ANKFN1: variants seen among roughly 807,000 people sequenced by gnomAD.
ANKFN1 encodes ankyrin repeat and fibronectin type-III domain-containing protein 1.
Under a neutral mutation model 108.7 loss-of-function variants are expected in ANKFN1, and 74 were observed. The observed-to-expected ratio is 0.68, with a 90% CI of 0.56 to 0.83. ANKFN1 has a LOEUF of 0.83. Ranked by LOEUF, ANKFN1 falls within the 40% of genes least tolerant of loss-of-function variation. The pLI is 0.00. For synonymous variants in ANKFN1, 547 were observed against 516.2 expected, an observed-to-expected ratio of 1.06 and a Z score of -0.81; for missense variants, 1,505 against 1,382.3, an observed-to-expected ratio of 1.09 and a Z score of -1.41.
chr17:56,364,304 C>G (rs934341603), intron 6 of ANKFN1, among the ~76,000 whole-genome samples: 1 of 151,988 alleles, frequency 6.6e-6, no homozygotes, highest in African/African-American at 2.4e-5. Context: ...ATTTCAAAGT[C>G]TTAGTACCAA....
chr17:56,141,247 A>G (rs1907899618), intron 4 of ANKFN1, among the ~76,000 whole-genome samples: 1 of 152,184 alleles, frequency 6.6e-6, no homozygotes, highest in South Asian at 2.1e-4. Flanking sequence ...CAGCGCCACC[A>G]CAAGCCAATC....
chr17:56,427,848 G>A (rs1447847207), intron 8 of ANKFN1, among the ~76,000 whole-genome samples: 1 of 152,144 alleles, frequency 6.6e-6, no homozygotes, highest in Non-Finnish European at 1.5e-5. Flanking sequence ...GTGGATCTGA[G>A]CTAGTTATTT....
chr17:56,046,986 TC>T (rs1598081583), intron 4 of ANKFN1, among the ~76,000 whole-genome samples: 2 of 152,124 alleles, frequency 1.3e-5, no homozygotes, highest in East Asian at 3.9e-4. Flanking sequence ...TCCTTTCTTT[TC>T]TTTTTTTTTA....
chr17:56,393,448 G>A (rs1446343704), intron 8 of ANKFN1, among the ~76,000 whole-genome samples: 2 of 152,058 alleles, frequency 1.3e-5, no homozygotes, highest in Admixed American at 6.6e-5. Context: ...CAGCACATTA[G>A]ACAACATGAC....
intron 1 of ANKFN1, among the ~76,000 whole-genome samples, chr17:56,162,288 A>G (rs894021658): frequency 5.9e-5 from 9 of 152,242 alleles, no homozygotes; most frequent in Non-Finnish European, 1.2e-4. Flanking sequence ...ACAAACTACC[A>G]TAGACTGAGT....
intron 15 of ANKFN1, chr17:56,471,062 A>T (rs1475185718): frequency 6.6e-6 from 1 of 152,168 alleles, no homozygotes; most frequent in Non-Finnish European, 1.5e-5. Context: ...CACATCTATG[A>T]TATCATTTGA....
chr17:56,140,148 T>C (rs1907833180), intron 4 of ANKFN1, among the ~76,000 whole-genome samples: 1 of 152,242 alleles, frequency 6.6e-6, no homozygotes, highest in Admixed American at 6.5e-5. Context: ...TCCTGCTTCA[T>C]CTTGGCTTCC....
rs9902114 is a variant in ANKFN1 at position 56,354,003 on chromosome 17, T to C, written c.558T>C (p.Ile186=). The change falls in exon 6 of 21, where the codon ATT becomes ATC. Residue 186 remains isoleucine, a synonymous_variant. Coordinates refer to ENST00000682825, the MANE Select transcript of ANKFN1 (RefSeq NM_001370326.1). ...DIAIMTNNVP[I]ARILLRTGAR... The stretch of plus-strand genomic sequence containing the variant: ...CCATCATGACCAACAATGTGCCCAT[T>C]GCAAGGATTCTTCTGAGGACAGGGG... 19,915 of 1,613,862 alleles carry C rather than the reference T, an allele frequency of 0.012. 1,834 individuals carry two copies. The African/African-American group carries it at 0.22, about 17-fold the overall frequency.
intron 3 of ANKFN1, among the ~76,000 whole-genome samples, chr17:56,293,991 G>A (rs548459374): frequency 1.2e-4 from 19 of 152,106 alleles, no homozygotes; most frequent in East Asian, 1.9e-4. Flanking sequence ...GATTCTCTCC[G>A]CAAAGGAGGA....
intron 3 of ANKFN1, among the ~76,000 whole-genome samples, chr17:56,247,979 G>T (rs967461918): frequency 6.6e-6 from 1 of 152,136 alleles, no homozygotes. Flanking sequence ...AATCAGACTT[G>T]TCTAAACAAC....
At chr17:56,510,437 C>T (rs1462195730) in intron 20 of ANKFN1, 36 bp from the exon 21 acceptor site, 1 of 1,516,724 alleles carries the variant, frequency 6.6e-7, no homozygotes, top group East Asian at 2.4e-5. Context: ...CTAGCTAAGA[C>T]TATATTTTTC....
chr17:56,394,834 C>T (rs748956178), intron 8 of ANKFN1, among the ~76,000 whole-genome samples: 1 of 152,186 alleles, frequency 6.6e-6, no homozygotes, highest in African/African-American at 2.4e-5. Context: ...CATTTTTGGC[C>T]AGATCCCTTT....
At chr17:56,445,304 G>T (rs1246126130) in intron 10 of ANKFN1, among the ~76,000 whole-genome samples, 1 of 152,196 alleles carries the variant, frequency 6.6e-6, no homozygotes, top group Non-Finnish European at 1.5e-5. Flanking sequence ...AGATGCATTT[G>T]CTGATAAAGA....
At position 56,196,575 on chromosome 17, in the gene ANKFN1, A is replaced by G. The variant is rs566859537; in HGVS notation, c.-70-16023A>G. ...ATAATGAGACCCCTGTCACTACAAAATTTTTAAAAAAAAATTTAGCAGAGC... is the reference window on the plus strand; with the variant it reads ...ATAATGAGACCCCTGTCACTACAAAGTTTTTAAAAAAAAATTTAGCAGAGC... On this transcript the variant is annotated intron_variant, in intron 1 of 20. Coordinates refer to ENST00000682825, the MANE Select transcript of ANKFN1 (RefSeq NM_001370326.1). Among the ~76,000 whole-genome samples, 224 of 152,188 alleles carry G rather than the reference A, an allele frequency of 1.5e-3. 2 individuals are homozygous for G. Among genetic ancestry groups the G allele is most frequent in the African/African-American group, 5.1e-3 (211 of 41,502 alleles).
intron 19 of ANKFN1, among the ~76,000 whole-genome samples, chr17:56,498,497 A>G (rs2051272092): frequency 6.6e-6 from 1 of 152,194 alleles, no homozygotes; most frequent in South Asian, 2.1e-4. Flanking sequence ...CGAATTCATT[A>G]TTTCAACTAA....
intron 3 of ANKFN1, among the ~76,000 whole-genome samples, chr17:56,240,423 T>TTTCA (rs1248281689): frequency 1.3e-5 from 2 of 152,098 alleles, no homozygotes; most frequent in Non-Finnish European, 2.9e-5. Context: ...ATATTGCTAT[T>TTTCA]TTCATTCATT....
At chr17:56,420,683 C>CT (rs755355387) in intron 8 of ANKFN1, among the ~76,000 whole-genome samples, 1,440 of 119,560 alleles carry the variant, frequency 0.012, 14 homozygotes, top group Middle Eastern at 0.019. Flanking sequence ...CTGACTCCTT[C>CT]TTTTTTTTTT....
intron 3 of ANKFN1, among the ~76,000 whole-genome samples, chr17:56,233,182 A>G (rs1916862348): frequency 3.9e-5 from 6 of 152,116 alleles, no homozygotes; most frequent in Admixed American, 3.3e-4. Context: ...TATTATTTTC[A>G]ATATATGCTA....
At chr17:56,238,206 T>A (rs181500155) in intron 3 of ANKFN1, among the ~76,000 whole-genome samples, 6 of 152,258 alleles carry the variant, frequency 3.9e-5, no homozygotes, top group African/African-American at 1.4e-4. Flanking sequence ...TGTGGTCGAT[T>A]TTAAAGTATG....
Sources: allele counts gnomAD v4.1 joint callset (sites outside exome capture counted in the v4.1 genomes callset), GRCh38; gene constraint gnomAD v4.1.1; transcripts MANE v1.5; gene names NCBI Gene and HGNC (gene_info 2026-07-23, HGNC 2026-07-21).